Variants in HAPSTR1 observed in about 807,000 individuals in gnomAD.
HAPSTR1 encodes the protein HUWE1 associated protein modifying stress responses.
chr16:9,100,202 G>A, the HAPSTR1 span, among the ~76,000 whole-genome samples: 1 of 152,148 alleles, frequency 6.6e-6, no homozygotes, highest in Non-Finnish European at 1.5e-5. Flanking sequence ...CAGAATTTTT[G>A]AGGTGAAATA....
At chr16:9,094,529 C>T in the HAPSTR1 span, among the ~76,000 whole-genome samples, 1 of 151,940 alleles carries the variant, frequency 6.6e-6, no homozygotes, top group Non-Finnish European at 1.5e-5. Context: ...TCACCCCCAC[C>T]TCCCAGTCCC....
chr16:9,101,785 C>T, the HAPSTR1 span, among the ~76,000 whole-genome samples: 1 of 148,552 alleles, frequency 6.7e-6, no homozygotes, highest in Non-Finnish European at 1.5e-5. Context: ...CATTGTTTGA[C>T]TATTGCCCAT....
the HAPSTR1 span, among the ~76,000 whole-genome samples, chr16:9,096,308 G>T: frequency 1.3e-5 from 2 of 152,168 alleles, no homozygotes; most frequent in African/African-American, 2.4e-5. Context: ...TGCTTAAAAT[G>T]AAGGGAAGTA....
the HAPSTR1 span, among the ~76,000 whole-genome samples, chr16:9,116,079 G>A: frequency 2.6e-5 from 4 of 152,158 alleles, no homozygotes; most frequent in Admixed American, 1.3e-4. Context: ...GATTTGTCCA[G>A]GGTAGACTGA....
At chr16:9,103,007 A>G in the HAPSTR1 span, 5 of 1,613,936 alleles carry the variant, frequency 3.1e-6, no homozygotes, top group Non-Finnish European at 4.2e-6. Flanking sequence ...CCATCAACGA[A>G]GTTTTGATAT....
chr16:9,104,684 C>G, the HAPSTR1 span: 1 of 152,216 alleles, frequency 6.6e-6, no homozygotes, highest in South Asian at 2.1e-4. Context: ...TACTTTAAGA[C>G]TGCACACTGT....
At chr16:9,092,260 G>A in the HAPSTR1 span, 2 of 1,563,150 alleles carry the variant, frequency 1.3e-6, no homozygotes, top group South Asian at 1.2e-5. Context: ...CCGTGGCCCA[G>A]CTCTACAAAG....
the HAPSTR1 span, among the ~76,000 whole-genome samples, chr16:9,092,656 G>C: frequency 3.3e-5 from 5 of 152,152 alleles, no homozygotes; most frequent in Non-Finnish European, 5.9e-5. Context: ...GGACTGCCAG[G>C]GGGGGCGCTT....
the HAPSTR1 span, among the ~76,000 whole-genome samples, chr16:9,100,921 G>A: frequency 1.3e-5 from 2 of 152,056 alleles, no homozygotes; most frequent in Admixed American, 6.6e-5. Flanking sequence ...CTCTGTTTCT[G>A]CAGGGCTGGG....
At chr16:9,110,827 C>T in the HAPSTR1 span, 1 of 152,350 alleles carries the variant, frequency 6.6e-6, no homozygotes, top group East Asian at 1.9e-4. Flanking sequence ...CACCTGAGGT[C>T]AGGAGTTTGA....
the HAPSTR1 span, chr16:9,091,937 G>C: frequency 2.1e-6 from 2 of 949,982 alleles, no homozygotes; most frequent in Non-Finnish European, 2.9e-6. Flanking sequence ...AGGCGCCGTC[G>C]GTCGCCAGGC....
At chr16:9,116,128 C>G in the HAPSTR1 span, among the ~76,000 whole-genome samples, 1 of 152,164 alleles carries the variant, frequency 6.6e-6, no homozygotes, top group Admixed American at 6.5e-5. Context: ...TTAACAGTGA[C>G]TCTTTTCGGG....
At chr16:9,117,027 G>A in the HAPSTR1 span, 1 of 1,454,460 alleles carries the variant, frequency 6.9e-7, no homozygotes, top group Non-Finnish European at 9.3e-7. Flanking sequence ...TTTAAGACAA[G>A]TGAATTCTAT....
At chr16:9,092,892 G>GTTTTTTTTTTTTTTTTTTTGT in the HAPSTR1 span, 1 of 1,267,510 alleles carries the variant, frequency 7.9e-7, no homozygotes, top group Admixed American at 2.3e-5. Context: ...TTTCTTTTTG[G>GTTTTTTTTTTTTTTTTTTTGT]TTTTTTTTTT....
At chr16:9,121,542 AG>A in the HAPSTR1 span, 3 of 151,920 alleles carry the variant, frequency 2.0e-5, no homozygotes. Flanking sequence ...CTCTACTACC[AG>A]GTCTGGGAAC....
the HAPSTR1 span, chr16:9,092,830 G>A: frequency 6.4e-5 from 84 of 1,320,500 alleles, no homozygotes; most frequent in Non-Finnish European, 7.8e-5. Flanking sequence ...AGTGATTGAC[G>A]CGCAAATAAC....
the HAPSTR1 span, among the ~76,000 whole-genome samples, chr16:9,101,496 T>C: frequency 1.3e-5 from 2 of 152,274 alleles, no homozygotes; most frequent in South Asian, 2.1e-4. Flanking sequence ...TGTTGAATTC[T>C]TGTCCTGGTC....
chr16:9,110,723 T>G, the HAPSTR1 span: 1 of 152,268 alleles, frequency 6.6e-6, no homozygotes. Context: ...ACAAATGTTT[T>G]GGTTAAGTAT....
At chr16:9,115,416 A>G in the HAPSTR1 span, among the ~76,000 whole-genome samples, 1 of 152,144 alleles carries the variant, frequency 6.6e-6, no homozygotes, top group African/African-American at 2.4e-5. Context: ...GGAAGGGGAA[A>G]TTCCTAAGGC....
Sources: gnomAD v4.1 joint callset for allele counts (sites outside exome capture counted in the v4.1 genomes callset) on GRCh38, gnomAD v4.1.1 for gene constraint, MANE v1.5 for transcripts, NCBI Gene and HGNC (gene_info 2026-07-23, HGNC 2026-07-21) for gene names.